The following HAMP variants were observed in gnomAD, a reference collection of about 807,000 sequenced individuals.
HAMP encodes the protein hepcidin.
In HAMP, 5 loss-of-function variants were observed where a neutral mutation model predicts 7.8. That is an observed-to-expected ratio of 0.64 (90% CI 0.33 to 1.34). HAMP has a LOEUF of 1.34. HAMP is among the 40% of genes most tolerant of loss of function. HAMP has a pLI of 0.05. For missense variants in HAMP, 105 were observed against 104.1 expected (o/e 1.01, Z -0.04); for synonymous variants, 52 against 38.6 (o/e 1.35, Z -1.28).
intron 1 of HAMP, 92 bp from the exon 2 acceptor site, chr19:35,284,697 A>T: frequency 2.1e-6 from 2 of 960,574 alleles, no homozygotes; most frequent in Non-Finnish European, 3.4e-6. Context: ...CTCTGGGTTT[A>T]AACCACTTGG....
rs1189336239 is a variant in HAMP at position 35,282,649 on chromosome 19, C to T, written c.72C>T (p.Gly24=). ...TCCTCCTCGCCAGCCTGACCAGTGGCTCTGTTTTCCCACAACAGGTGAGAG... is the reference window on the plus strand; with the variant it reads ...TCCTCCTCGCCAGCCTGACCAGTGGTTCTGTTTTCCCACAACAGGTGAGAG... ...LLLLLASLTS[G]SVFPQQTGQL... is the part of the protein sequence containing the mutation. The change falls in exon 1 of 3, where the codon GGC becomes GGT. Residue 24 remains glycine, a synonymous_variant. Coordinates refer to ENST00000222304, the MANE Select transcript of HAMP (RefSeq NM_021175.4). The T allele has an allele frequency of 9.9e-6, 16 of 1,613,864 alleles. No individual in the cohort carries two copies. Among genetic ancestry groups the T allele is most frequent in the Non-Finnish European group, 1.4e-5 (16 of 1,179,864 alleles).
At chr19:35,284,767 G>A (rs1276338744) in intron 1 of HAMP, 22 bp from the exon 2 acceptor site, 1 of 1,607,218 alleles carries the variant, frequency 6.2e-7, no homozygotes. Flanking sequence ...GCCATCCTCT[G>A]CACCCCCTTC....
chr19:35,282,714 A>T (rs1172110931), intron 1 of HAMP, 47 bp downstream of exon 1: 4 of 1,449,338 alleles, frequency 2.8e-6, no homozygotes. Flanking sequence ...CAGGGATGGG[A>T]GAGCCAGGCC....
chr19:35,282,728 G>A, intron 1 of HAMP, 61 bp downstream of exon 1: 1 of 1,328,202 alleles, frequency 7.5e-7, no homozygotes, highest in Non-Finnish European at 1.1e-6. Flanking sequence ...CCAGGCCTCA[G>A]CCTAGGGCAC....
intron 1 of HAMP, 193 bp from the exon 2 acceptor site, chr19:35,284,596 G>A: frequency 5.0e-6 from 3 of 601,380 alleles, no homozygotes. Flanking sequence ...GGAGGAGGCG[G>A]ATCTGGGAGG....
At chr19:35,282,763 A>T in intron 1 of HAMP, 96 bp downstream of exon 1, 1 of 958,880 alleles carries the variant, frequency 1.0e-6, no homozygotes, top group Non-Finnish European at 1.7e-6. Context: ...CACTGAGCAG[A>T]GCTCAGGACG....
intron 1 of HAMP, chr19:35,282,884 A>G (rs2066310334): frequency 7.3e-6 from 4 of 549,938 alleles, no homozygotes; most frequent in Non-Finnish European, 1.3e-5. Context: ...GGTCAGTTTG[A>G]GACCAGCCTG....
chr19:35,284,890 C>T (rs760903988), intron 2 of HAMP, 42 bp downstream of exon 2: 1 of 1,605,824 alleles, frequency 6.2e-7, no homozygotes, highest in Non-Finnish European at 8.5e-7. Flanking sequence ...CCTGCTCCCT[C>T]CCCATGCTAA....
Position 35,284,842 on chromosome 19 carries a change from C to G in HAMP, c.144C>G (p.Ser48Arg). The change falls in exon 2 of 3, where the codon AGC becomes AGG. Residue 48 changes from serine (S) to arginine (R), a missense_variant. Transcript: ENST00000222304. ...AGGACAGAGCTGGAGCCAGGGCCAGCTGGATGGTGAGCGCAACAGTGATGC... is the reference window on the plus strand; with the variant it reads ...AGGACAGAGCTGGAGCCAGGGCCAGGTGGATGGTGAGCGCAACAGTGATGC... ...QPQDRAGARA[S>R]WMPMFQRRRR... is the part of the protein sequence containing the mutation. 6.2e-7 allele frequency: 1 copy of G among 1,613,626 alleles called. No individual in the cohort carries two copies. The highest frequency in any genetic ancestry group is 8.5e-7 in the Non-Finnish European group (1 of 1,179,548).
In HAMP at chr19:35,284,797, A is replaced by G. The variant is rs761276428; in HGVS notation, c.99A>G (p.Gln33=). The G allele has an allele frequency of 6.8e-6, 11 of 1,613,706 alleles. No homozygotes were observed. The highest frequency in any genetic ancestry group is 8.5e-6 in the Non-Finnish European group (10 of 1,179,794). The change falls in exon 2 of 3, where the codon CAA becomes CAG. Residue 33 remains glutamine (Q), a synonymous_variant. Coordinates refer to ENST00000222304, the MANE Select transcript of HAMP (RefSeq NM_021175.4). ...CCCTTCTGCTTTCACAGACGGGACA[A>G]CTTGCAGAGCTGCAACCCCAGGACA... ...SGSVFPQQTG[Q]LAELQPQDRA... is the part of the protein sequence containing the mutation.
intron 1 of HAMP, 68 bp downstream of exon 1, chr19:35,282,735 G>A (rs1015803439): frequency 8.1e-7 from 1 of 1,240,048 alleles, no homozygotes; most frequent in Non-Finnish European, 1.2e-6. Context: ...TCAGCCTAGG[G>A]CACTGGAGAC....
At position 35,284,965 on chromosome 19, in the gene HAMP, G is replaced by A. The variant is rs2066319894; in HGVS notation, c.178G>A (p.Asp60Asn). Residue 60 changes from aspartate (D) to asparagine (N), a missense_variant, in exon 3 of 3, where the codon GAC (aspartate) becomes AAC (asparagine). Transcript: ENST00000222304. ...MPMFQRRRRR[D>N]THFPICIFCC... is the part of the protein sequence containing the mutation. Reference sequence around the variant, plus strand: ...CATGTTCCAGAGGCGAAGGAGGCGAGACACCCACTTCCCCATCTGCATTTT... The same window carrying A: ...CATGTTCCAGAGGCGAAGGAGGCGAAACACCCACTTCCCCATCTGCATTTT... 6.2e-7 allele frequency: 1 copy of A among 1,613,772 alleles called. No homozygotes were observed. The highest frequency in any genetic ancestry group is 8.5e-7 in the Non-Finnish European group (1 of 1,179,814).
rs767679046 is a variant in HAMP at position 35,282,663 on chromosome 19, A to G, written c.86A>G (p.Gln29Arg). The change falls in exon 1 of 3, where the codon CAA becomes CGA. Residue 29 changes from glutamine (Q) to arginine (R), a missense_variant. Coordinates refer to ENST00000222304, the MANE Select transcript of HAMP (RefSeq NM_021175.4). ...CTGACCAGTGGCTCTGTTTTCCCAC[A>G]ACAGGTGAGAGCCCAGTGGCCTGGG... Reference protein sequence around the residue: ...ASLTSGSVFPQQTGQLAELQP... With the variant: ...ASLTSGSVFPRQTGQLAELQP... The G allele has an allele frequency of 1.9e-6, 3 of 1,612,958 alleles. No homozygotes were observed. Among genetic ancestry groups the G allele is most frequent in the Admixed American group, 1.7e-5 (1 of 60,030 alleles).
chr19:35,284,671 T>C lies in HAMP; in HGVS notation c.91-118T>C, dbSNP rs925748234. 14 of 781,464 alleles carry C rather than the reference T, an allele frequency of 1.8e-5. No homozygotes were observed. The African/African-American group carries it at 1.9e-4, about 10-fold the overall frequency. The allele number at this position is 781,464 out of a possible 1,614,324, so 48.4% of individuals were successfully genotyped here. ...AGAAGCAAGAAAGCAAGGCCCCTCC[T>C]AAGAGTCCATTTGAGCTCTGGGTTT... On this transcript the variant is annotated intron_variant, in intron 1 of 2. Transcript: ENST00000222304.
At position 35,285,040 on chromosome 19, in the gene HAMP, T is replaced by C; in HGVS notation, c.253T>C (p.Ter85GlnextTer21). ...RSKCGMCCKT[*>Q] is the part of the protein sequence containing the mutation. Reference sequence around the variant, plus strand: ...AAAGTGTGGGATGTGCTGCAAGACGTAGAACCTACCTGCCCTGCCCCCGTC... The same window carrying C: ...AAAGTGTGGGATGTGCTGCAAGACGCAGAACCTACCTGCCCTGCCCCCGTC... The change falls in exon 3 of 3, where the codon TAG (stop) becomes CAG (glutamine). Residue 85 changes from the stop codon to glutamine (Q), a stop_lost. Transcript: ENST00000222304. The C allele has an allele frequency of 1.9e-6, 3 of 1,600,998 alleles. No individual in the cohort carries two copies. Among genetic ancestry groups the C allele is most frequent in the Non-Finnish European group, 2.6e-6 (3 of 1,167,952 alleles).
chr19:35,284,853 G>A lies in HAMP; in HGVS notation c.150+5G>A, dbSNP rs2066319044. The A allele has an allele frequency of 6.2e-7, 1 of 1,613,158 alleles. No individual in the cohort carries two copies. ...GGAGCCAGGGCCAGCTGGATGGTGA[G>A]CGCAACAGTGATGCCTTTCCTAGCC... On this transcript the variant is annotated splice_donor_5th_base_variant and intron_variant, in intron 2 of 2. Coordinates refer to ENST00000222304, the MANE Select transcript of HAMP (RefSeq NM_021175.4).
At chr19:35,284,878 C>A (rs200475084) in intron 2 of HAMP, 30 bp downstream of exon 2, 2 of 1,607,184 alleles carry the variant, frequency 1.2e-6, no homozygotes, top group Non-Finnish European at 1.7e-6. Flanking sequence ...CTTTCCTAGC[C>A]CCCTGCTCCC....
At chr19:35,284,348 G>A in intron 1 of HAMP, 4 of 204,366 alleles carry the variant, frequency 2.0e-5, no homozygotes, top group Admixed American at 1.6e-4. Flanking sequence ...GGGAAGCTGA[G>A]GCGGGAGCAT....
At chr19:35,284,342 A>C in intron 1 of HAMP, 6 of 197,808 alleles carry the variant, frequency 3.0e-5, no homozygotes, top group Admixed American at 2.1e-4. Flanking sequence ...CTACTCGGGA[A>C]GCTGAGGCGG....
Sources: allele counts gnomAD v4.1 joint callset, GRCh38; gene constraint gnomAD v4.1.1; transcripts MANE v1.5; gene names NCBI Gene and HGNC (gene_info 2026-07-23, HGNC 2026-07-21).